Variants in SLC22A25 observed in about 807,000 individuals in gnomAD.
The protein encoded by SLC22A25 is solute carrier family 22 member 25.
In SLC22A25, 44 loss-of-function variants were observed where a neutral mutation model predicts 45.9. The observed-to-expected ratio is 0.96, with a 90% CI of 0.75 to 1.23. SLC22A25 has a LOEUF of 1.23. SLC22A25 is among the 50% of genes most tolerant of loss of function. The probability of loss-of-function intolerance (pLI) is 0.00; values close to 1 mark genes in which losing one functional copy is unlikely to be tolerated. For synonymous variants in SLC22A25, 283 were observed against 238.6 expected, an observed-to-expected ratio of 1.19 and a Z score of -1.72; for missense variants, 800 against 666.4, an observed-to-expected ratio of 1.20 and a Z score of -2.21.
Position 63,183,683 on chromosome 11 carries a change from G to A in SLC22A25, c.954+11C>T, listed in dbSNP as rs374066511. ...TCCCAGCATCCCATATCCAGCTCCC[G>A]TCTTGCTTACCTCCATGGTTAGGAT... On this transcript the variant is annotated intron_variant, in intron 8 of 11. Transcript: ENST00000306494. 9.7e-4 allele frequency: 1,567 copies of A among 1,612,310 alleles called. 4 individuals are homozygous for A. Among genetic ancestry groups the A allele is most frequent in the Middle Eastern group, 1.3e-3 (8 of 6,048 alleles).
chr11:63,200,042 C>T (rs1187801601), intron 7 of SLC22A25, among the ~76,000 whole-genome samples: 1 of 151,946 alleles, frequency 6.6e-6, no homozygotes, highest in Non-Finnish European at 1.5e-5. Context: ...AAGCCCAGGA[C>T]CTGATGGTTT....
chr11:63,160,300 G>C lies in SLC22A25; in HGVS notation c.*3524C>G, dbSNP rs2087522738. On this transcript the variant is annotated 3_prime_UTR_variant, in exon 12 of 12. Transcript: ENST00000306494. ...CTGCTGTGTGCAGCCTTAGTGACTT[G>C]GTGCCCTGTGTCTCAGCCACTCTAG... Among the ~76,000 whole-genome samples, 1 of 152,160 alleles carries C rather than the reference G, an allele frequency of 6.6e-6. No homozygotes were observed. Among genetic ancestry groups the C allele is most frequent in the African/African-American group, 2.4e-5 (1 of 41,450 alleles).
At chr11:63,183,462 C>T (rs1193801869) in intron 8 of SLC22A25, among the ~76,000 whole-genome samples, 2 of 152,108 alleles carry the variant, frequency 1.3e-5, no homozygotes, top group Non-Finnish European at 2.9e-5. Context: ...ATTGTTAACA[C>T]TCTGTGCCTC....
chr11:63,227,381 G>A (rs1470541600), intron 5 of SLC22A25, among the ~76,000 whole-genome samples: 1 of 152,126 alleles, frequency 6.6e-6, no homozygotes, highest in African/African-American at 2.4e-5. Flanking sequence ...CCAGGACTGG[G>A]CCCTTCTCTT....
intron 9 of SLC22A25, among the ~76,000 whole-genome samples, chr11:63,174,909 A>G (rs1396359159): frequency 6.6e-6 from 1 of 152,102 alleles, no homozygotes; most frequent in Non-Finnish European, 1.5e-5. Context: ...CTGTCCTGGC[A>G]TATTTAACTT....
chr11:63,196,838 A>T (rs1209729134), intron 7 of SLC22A25, among the ~76,000 whole-genome samples: 2 of 152,192 alleles, frequency 1.3e-5, no homozygotes, highest in African/African-American at 4.8e-5. Flanking sequence ...AGATGACATG[A>T]TTGTATATTT....
At chr11:63,223,870 C>G (rs114817438) in intron 5 of SLC22A25, among the ~76,000 whole-genome samples, 1 of 151,940 alleles carries the variant, frequency 6.6e-6, no homozygotes, top group African/African-American at 2.4e-5. Context: ...TCTATTCATA[C>G]CCACTAGTCA....
At chr11:63,211,784 A>C (rs1201709186) in intron 7 of SLC22A25, among the ~76,000 whole-genome samples, 1 of 152,128 alleles carries the variant, frequency 6.6e-6, no homozygotes, top group Non-Finnish European at 1.5e-5. Flanking sequence ...AAAACACCAA[A>C]AGCAATGGCA....
chr11:63,180,833 A>G (rs2088293953), intron 8 of SLC22A25, 58 bp from the exon 9 acceptor site: 1 of 1,265,038 alleles, frequency 7.9e-7, no homozygotes, highest in African/African-American at 1.5e-5. Flanking sequence ...TAGGCATTGT[A>G]AGAGGACTTG....
At chr11:63,170,881 A>G (rs140796639) in intron 9 of SLC22A25, among the ~76,000 whole-genome samples, 189 of 152,304 alleles carry the variant, frequency 1.2e-3, no homozygotes, top group Non-Finnish European at 1.8e-3. Context: ...TTTCAGGCCA[A>G]TATCCCTGAT....
Position 63,163,673 on chromosome 11 carries a change from T to C in SLC22A25, c.*151A>G. The C allele has an allele frequency of 8.7e-7, 1 of 1,148,132 alleles. No individual in the cohort carries two copies. The highest frequency in any genetic ancestry group is 2.5e-5 in the Admixed American group (1 of 40,400). 71.1% of individuals were successfully genotyped at this position (1,148,132 alleles called of 1,614,324 possible). On this transcript the variant is annotated 3_prime_UTR_variant, in exon 12 of 12. Transcript: ENST00000306494. Reference sequence around the variant, plus strand: ...GGCTGGGCAGAGATGGTCTGTGTGATCTAGTGAGGCTCAGGGGATGTATGA... The same window carrying C: ...GGCTGGGCAGAGATGGTCTGTGTGACCTAGTGAGGCTCAGGGGATGTATGA...
Position 63,212,331 on chromosome 11 carries a change from G to T in SLC22A25, c.830+4983C>A, listed in dbSNP as rs147814551. 6.8e-4 allele frequency among the ~76,000 whole-genome samples: 103 copies of T among 152,170 alleles called. 1 individual carries two copies. In the East Asian group the frequency reaches 0.019, roughly 28 times the overall value. ...CCCATTACTGGATATATACTCAAAGGATTATAAAACATGCTGCTATAAAGA... is the reference window on the plus strand; with the variant it reads ...CCCATTACTGGATATATACTCAAAGTATTATAAAACATGCTGCTATAAAGA... On this transcript the variant is annotated intron_variant, in intron 7 of 11. Coordinates refer to ENST00000306494, the MANE Select transcript of SLC22A25 (RefSeq NM_199352.6).
chr11:63,182,374 T>C (rs778040008), intron 8 of SLC22A25, among the ~76,000 whole-genome samples: 53 of 152,032 alleles, frequency 3.5e-4, no homozygotes, highest in Non-Finnish European at 8.8e-5. Flanking sequence ...AGAGTAGCTT[T>C]TATTTTCTTA....
At chr11:63,234,178 T>G (rs1419945049) in intron 3 of SLC22A25, among the ~76,000 whole-genome samples, 2 of 152,164 alleles carry the variant, frequency 1.3e-5, no homozygotes, top group African/African-American at 4.8e-5. Context: ...CTGAGTTTAG[T>G]TCCTGGATAT....
intron 3 of SLC22A25, among the ~76,000 whole-genome samples, chr11:63,230,542 A>G (rs1319151006): frequency 6.6e-6 from 1 of 152,216 alleles, no homozygotes; most frequent in Non-Finnish European, 1.5e-5. Flanking sequence ...ATTGCAGACA[A>G]AATATAGGAG....
intron 3 of SLC22A25, among the ~76,000 whole-genome samples, chr11:63,235,378 G>A (rs541511309): frequency 1.9e-4 from 29 of 151,988 alleles, no homozygotes; most frequent in Non-Finnish European, 2.8e-4. Flanking sequence ...TTCTCTTCAC[G>A]CTACATTTCA....
intron 2 of SLC22A25, among the ~76,000 whole-genome samples, chr11:63,238,216 A>G (rs553176813): frequency 6.6e-6 from 1 of 152,268 alleles, no homozygotes; most frequent in Admixed American, 6.5e-5. Flanking sequence ...GCTGCCTCTA[A>G]AACTGTAGGT....
intron 7 of SLC22A25, among the ~76,000 whole-genome samples, chr11:63,207,389 C>G (rs1159732401): frequency 2.0e-5 from 3 of 152,098 alleles, no homozygotes; most frequent in Non-Finnish European, 4.4e-5. Flanking sequence ...GGGCTAATAT[C>G]CAGAATCTAC....
intron 7 of SLC22A25, chr11:63,208,108 C>T (rs1292246848): frequency 6.6e-6 from 1 of 152,266 alleles, no homozygotes; most frequent in South Asian, 2.1e-4. Flanking sequence ...GATTTACTGT[C>T]TCCTTTGCCT....
Sources: gnomAD v4.1 joint callset for allele counts (sites outside exome capture counted in the v4.1 genomes callset) on GRCh38, gnomAD v4.1.1 for gene constraint, MANE v1.5 for transcripts, NCBI Gene and HGNC (gene_info 2026-07-23, HGNC 2026-07-21) for gene names.